The following PRDM16 variants were observed in gnomAD, a reference collection of about 807,000 sequenced individuals.
The protein encoded by PRDM16 is histone-lysine N-methyltransferase PRDM16.
In PRDM16, 23 loss-of-function variants were observed where a neutral mutation model predicts 110.6. That is an observed-to-expected ratio of 0.21 (90% CI 0.15 to 0.29). PRDM16 has a LOEUF of 0.29. Among genes scored for constraint, PRDM16 ranks in the 10% least tolerant of loss-of-function variants. PRDM16 has a pLI of 1.00. For missense variants in PRDM16, 1,615 were observed against 1,794.3 expected (o/e 0.90, Z 1.81); for synonymous variants, 799 against 781.8 (o/e 1.02, Z -0.37).
chr1:3,430,736 C>A (rs992250746), intron 14 of PRDM16, 136 bp from the exon 15 acceptor site: 3 of 1,056,186 alleles, frequency 2.8e-6, no homozygotes, highest in South Asian at 2.9e-5. Flanking sequence ...CAGGGACCCG[C>A]GGGAGCTCCC....
intron 6 of PRDM16, 101 bp from the exon 7 acceptor site, chr1:3,404,638 G>T: frequency 7.1e-7 from 1 of 1,411,814 alleles, no homozygotes. Flanking sequence ...AGCGTGGTGG[G>T]GGCTCCGAAG....
At chr1:3,251,940 G>C (rs1008407153) in intron 3 of PRDM16, among the ~76,000 whole-genome samples, 7 of 152,160 alleles carry the variant, frequency 4.6e-5, no homozygotes, top group African/African-American at 1.7e-4. Flanking sequence ...TGGTTTGGGC[G>C]GGGAGTTCTC....
intron 3 of PRDM16, among the ~76,000 whole-genome samples, chr1:3,303,086 C>T (rs1040717871): frequency 1.3e-5 from 2 of 152,042 alleles, no homozygotes; most frequent in Admixed American, 6.5e-5. Context: ...TTTACTGAGA[C>T]GTAATTCACA....
intron 1 of PRDM16, among the ~76,000 whole-genome samples, chr1:3,171,126 C>T (rs1439328703): frequency 2.0e-5 from 3 of 152,384 alleles, no homozygotes; most frequent in East Asian, 3.9e-4. Flanking sequence ...GCCCTCTCTC[C>T]CTCTTGCGAT....
At chr1:3,094,848 G>A (rs1642358595) in intron 1 of PRDM16, among the ~76,000 whole-genome samples, 1 of 152,014 alleles carries the variant, frequency 6.6e-6, no homozygotes, top group Non-Finnish European at 1.5e-5. Flanking sequence ...AGGGACTCTG[G>A]GTGGGAAGGA....
chr1:3,155,619 G>C (rs1215432667), intron 1 of PRDM16, among the ~76,000 whole-genome samples: 1 of 152,276 alleles, frequency 6.6e-6, no homozygotes, highest in Non-Finnish European at 1.5e-5. Context: ...CTCCCAGCAC[G>C]GCCGCCGGCC....
rs1643115991 is a variant in PRDM16, at chr1:3,382,367, A to C, written c.439-2785A>C. ...CTGGACTTGGGCAGGGCAGGCAGTG[A>C]CCTCCCTGGACAGCGTGAGGACCCT... is the stretch of plus-strand genomic sequence containing the variant. On this transcript the variant is annotated intron_variant, in intron 3 of 16. Transcript: ENST00000270722. The surrounding 1 kb of genome is among the most constrained non-coding windows in gnomAD (Gnocchi z 6.6). 6.6e-6 allele frequency among the ~76,000 whole-genome samples: 1 copy of C among 152,044 alleles called. No individual in the cohort carries two copies. Among genetic ancestry groups the C allele is most frequent in the Admixed American group, 6.5e-5 (1 of 15,272 alleles).
At chr1:3,155,656 G>T (rs1643849642) in intron 1 of PRDM16, among the ~76,000 whole-genome samples, 1 of 152,260 alleles carries the variant, frequency 6.6e-6, no homozygotes, top group South Asian at 2.1e-4. Context: ...TGAAAAATGA[G>T]ATCATTTCAA....
intron 12 of PRDM16, among the ~76,000 whole-genome samples, chr1:3,424,455 T>C (rs1442814320): frequency 6.6e-6 from 1 of 152,200 alleles, no homozygotes; most frequent in East Asian, 1.9e-4. Flanking sequence ...CTTGCTCTGA[T>C]AAACTCAGGG....
chr1:3,101,152 G>A (rs1642523533), intron 1 of PRDM16, among the ~76,000 whole-genome samples: 1 of 152,260 alleles, frequency 6.6e-6, no homozygotes, highest in South Asian at 2.1e-4. Context: ...CTGGGGAACA[G>A]AGACTGTGCC....
chr1:3,399,278 G>A (rs748629656), intron 5 of PRDM16, among the ~76,000 whole-genome samples: 8 of 152,254 alleles, frequency 5.3e-5, no homozygotes, highest in Non-Finnish European at 1.0e-4. Flanking sequence ...GCATGAGCCA[G>A]CCAGATCGTG....
intron 2 of PRDM16, among the ~76,000 whole-genome samples, chr1:3,226,031 T>C (rs1325357245): frequency 6.6e-6 from 1 of 152,242 alleles, no homozygotes; most frequent in African/African-American, 2.4e-5. Flanking sequence ...GCCAGAGCCT[T>C]GGCCTCGACC....
intron 3 of PRDM16, among the ~76,000 whole-genome samples, chr1:3,368,685 G>C (rs1337940815): frequency 6.6e-6 from 1 of 152,202 alleles, no homozygotes; most frequent in Non-Finnish European, 1.5e-5. Context: ...TTTAAATTCA[G>C]CAGGATTTTT....
At chr1:3,247,920 C>T (rs1483912167) in intron 3 of PRDM16, among the ~76,000 whole-genome samples, 1 of 152,188 alleles carries the variant, frequency 6.6e-6, no homozygotes. Flanking sequence ...AGGGAAAGCC[C>T]GGGGGCTCCT....
At chr1:3,124,149 G>A (rs1300456363) in intron 1 of PRDM16, among the ~76,000 whole-genome samples, 1 of 152,202 alleles carries the variant, frequency 6.6e-6, no homozygotes, top group African/African-American at 2.4e-5. Flanking sequence ...AGGTGGACAG[G>A]GCCGTGGAGC....
intron 3 of PRDM16, among the ~76,000 whole-genome samples, chr1:3,365,950 G>GCATGCACA (rs1642804526): frequency 2.3e-5 from 3 of 130,218 alleles, no homozygotes; most frequent in African/African-American, 1.0e-4. Context: ...AAACGCACAC[G>GCATGCACA]CATGCACACA....
intron 1 of PRDM16, among the ~76,000 whole-genome samples, chr1:3,088,771 T>C (rs929709779): frequency 2.8e-5 from 4 of 144,746 alleles, no homozygotes; most frequent in South Asian, 2.2e-4. Flanking sequence ...ATTATATTAT[T>C]TATTATTATT....
Position 3,290,626 on chromosome 1 carries a change from G to A in PRDM16, c.438+46489G>A, listed in dbSNP as rs747253514. ...CCGTCTGCAGGATCCCTCCCAGGAC[G>A]CAGTGGTGGGCCCAGGCCGGCCAGC... On this transcript the variant is annotated intron_variant, in intron 3 of 16. Coordinates refer to ENST00000270722, the MANE Select transcript of PRDM16 (RefSeq NM_022114.4). This position sits in a 1 kb window ranked among gnomAD's most constrained non-coding sequence, Gnocchi z 4.8. Among the ~76,000 whole-genome samples the A allele has an allele frequency of 1.3e-5, 2 of 152,206 alleles. No individual in the cohort carries two copies. The highest frequency in any genetic ancestry group is 2.9e-5 in the Non-Finnish European group (2 of 68,048).
In PRDM16 at chr1:3,436,937, T is replaced by G; in HGVS notation, c.*3126T>G. The stretch of plus-strand genomic sequence containing the variant: ...CCAAATGGAAATTCCGAAGGAGGCC[T>G]CCTCGCACCTGCCCTCCGCTGCTCC... On this transcript the variant is annotated 3_prime_UTR_variant, in exon 17 of 17. Coordinates refer to ENST00000270722, the MANE Select transcript of PRDM16 (RefSeq NM_022114.4). The G allele has an allele frequency of 4.4e-6, 1 of 228,236 alleles. No homozygotes were observed. Among genetic ancestry groups the G allele is most frequent in the East Asian group, 6.2e-5 (1 of 16,132 alleles). 14.1% of individuals were successfully genotyped at this position (228,236 alleles called of 1,614,324 possible).
Sources: allele counts gnomAD v4.1 joint callset (sites outside exome capture counted in the v4.1 genomes callset), GRCh38; gene constraint gnomAD v4.1.1; non-coding constraint Gnocchi (gnomAD v3.1); transcripts MANE v1.5; gene names NCBI Gene and HGNC (gene_info 2026-07-23, HGNC 2026-07-21).